Variants in CIT observed in about 807,000 individuals in gnomAD.
CIT encodes the protein citron rho-interacting serine/threonine kinase, also known as citron Rho-interacting kinase.
A neutral mutation model predicts 272.7 loss-of-function variants in CIT; 79 were observed. That is an observed-to-expected ratio of 0.29 (90% confidence interval 0.24 to 0.35). The LOEUF is 0.35. CIT is among the 10% of genes least tolerant of loss of function. CIT has a pLI of 1.00. For missense variants in CIT, 1,909 were observed against 2,618.3 expected (o/e 0.73, Z 5.91); for synonymous variants, 948 against 995.6 (o/e 0.95, Z 0.90).
intron 8 of CIT, among the ~76,000 whole-genome samples, chr12:119,824,628 G>A (rs929794968): frequency 4.6e-5 from 7 of 152,124 alleles, no homozygotes; most frequent in Non-Finnish European, 8.8e-5. Flanking sequence ...ATAAGTATTT[G>A]CTATTATTAT....
Position 119,690,211 on chromosome 12 carries a change from G to A in CIT, c.6126C>T (p.Asp2042=), listed in dbSNP as rs1955859001. ...CCGCAGGCAGCCGGCCCCTGCTGCT[G>A]TCTTCAAACAGCCTCCCGGGGGACC... is the stretch of plus-strand genomic sequence containing the variant. The part of the protein sequence containing the change: ...RERSPGRLFE[D]SSRGRLPAGA... Residue 2042 remains aspartate, a synonymous_variant, in exon 47 of 48, where the codon GAC becomes GAT. Transcript: ENST00000392521. This position sits in a 1 kb window ranked among gnomAD's most constrained non-coding sequence, Gnocchi z 6.0. 4.0e-6 allele frequency: 6 copies of A among 1,515,978 alleles called. No individual in the cohort carries two copies. Among genetic ancestry groups the A allele is most frequent in the Non-Finnish European group, 5.3e-6 (6 of 1,142,210 alleles). The allele number at this position is 1,515,978 out of a possible 1,614,324, so 93.9% of individuals were successfully genotyped here.
chr12:119,823,053 C>A, intron 8 of CIT, 80 bp from the exon 9 acceptor site: 1 of 1,401,804 alleles, frequency 7.1e-7, no homozygotes, highest in South Asian at 1.4e-5. Flanking sequence ...AAGTATTTCT[C>A]ATATATGCAA....
At position 119,845,498 on chromosome 12, in the gene CIT, C is replaced by T. The variant is rs150226919; in HGVS notation, c.516+4676G>A. On this transcript the variant is annotated intron_variant, in intron 5 of 47. Transcript: ENST00000392521. ...TGAAACCCTGTCTCTACTAAAAATACAAAAATTTGCCGGACATGGTGGTGG... is the reference window on the plus strand; with the variant it reads ...TGAAACCCTGTCTCTACTAAAAATATAAAAATTTGCCGGACATGGTGGTGG... Among the ~76,000 whole-genome samples the T allele has an allele frequency of 8.8e-3, 1,330 of 151,306 alleles. 14 individuals are homozygous for T. Among genetic ancestry groups the T allele is most frequent in the Middle Eastern group, 0.031 (9 of 294 alleles).
chr12:119,824,819 G>A (rs560540524), intron 8 of CIT, among the ~76,000 whole-genome samples: 25 of 151,900 alleles, frequency 1.6e-4, no homozygotes, highest in Non-Finnish European at 3.5e-4. Flanking sequence ...TTTTTTAGAC[G>A]GAGTCTCACT....
intron 32 of CIT, among the ~76,000 whole-genome samples, chr12:119,716,416 T>TAAAAAAAAAAAAAAA (rs1481968570): frequency 2.8e-5 from 2 of 70,556 alleles, no homozygotes; most frequent in African/African-American, 5.3e-5. Flanking sequence ...AAAAAAAAAG[T>TAAAAAAAAAAAAAAA]AAAGCTCTTT....
intron 2 of CIT, among the ~76,000 whole-genome samples, chr12:119,874,221 C>A (rs1452227169): frequency 6.6e-6 from 1 of 152,116 alleles, no homozygotes; most frequent in Non-Finnish European, 1.5e-5. Flanking sequence ...GTACATGCGA[C>A]CACCATGCCC....
chr12:119,726,777 G>A (rs11064889), intron 28 of CIT, among the ~76,000 whole-genome samples: 4 of 152,114 alleles, frequency 2.6e-5, no homozygotes, highest in Non-Finnish European at 5.9e-5. Flanking sequence ...GGAATCATCA[G>A]TGATTCAACA....
chr12:119,766,565 G>C (rs2137546566), intron 19 of CIT, among the ~76,000 whole-genome samples: 1 of 152,226 alleles, frequency 6.6e-6, no homozygotes, highest in Middle Eastern at 3.4e-3. Flanking sequence ...GTATTTGAGA[G>C]TACAGTAGGA....
At chr12:119,780,203 T>C (rs1297214091) in intron 13 of CIT, among the ~76,000 whole-genome samples, 3 of 152,240 alleles carry the variant, frequency 2.0e-5, no homozygotes, top group African/African-American at 7.2e-5. Context: ...AGGAAGAAGC[T>C]GAAATTGCTA....
chr12:119,714,410 G>A, intron 32 of CIT, 76 bp from the exon 33 acceptor site: 6 of 1,501,742 alleles, frequency 4.0e-6, no homozygotes, highest in Middle Eastern at 1.8e-4. Context: ...ACAACCCACA[G>A]AAAGGGAAAA....
rs1301273172 is a variant in CIT at position 119,717,831 on chromosome 12, CTTCT to C, written c.4168+410_4168+413del. ...TGAGGATGGGGAGCCAGGAGACTGACTTCTTTCTTTTTTTTTTTTTTTTTTTTGA... is the reference window on the plus strand; with the variant it reads ...TGAGGATGGGGAGCCAGGAGACTGACTTCTTTTTTTTTTTTTTTTTTTTGA... On this transcript the variant is annotated intron_variant, in intron 32 of 47. Coordinates refer to ENST00000392521, the MANE Select transcript of CIT (RefSeq NM_001206999.2). Among the ~76,000 whole-genome samples the C allele has an allele frequency of 6.6e-5, 5 of 75,260 alleles. 1 individual carries two copies. Among genetic ancestry groups the C allele is most frequent in the East Asian group, 3.7e-4 (1 of 2,696 alleles). The allele number at this position is 75,260 out of a possible 152,430, so 49.4% of individuals were successfully genotyped here. A position where few individuals can be genotyped will look rare whatever the true frequency, so the allele number is the denominator to read the frequency against.
intron 40 of CIT, among the ~76,000 whole-genome samples, chr12:119,705,961 G>A (rs564822853): frequency 7.3e-5 from 11 of 150,106 alleles, no homozygotes; most frequent in South Asian, 6.4e-4. Context: ...GTGATGGTGC[G>A]TGCCTGTAGT....
chr12:119,829,054 G>A (rs888956795), intron 7 of CIT, among the ~76,000 whole-genome samples: 15 of 152,250 alleles, frequency 9.9e-5, no homozygotes, highest in South Asian at 6.2e-4. Flanking sequence ...AGAAAGAAAA[G>A]AGTTAGCTTA....
intron 9 of CIT, among the ~76,000 whole-genome samples, chr12:119,811,303 C>CA (rs1223624547): frequency 1.3e-5 from 2 of 151,448 alleles, no homozygotes; most frequent in African/African-American, 2.4e-5. Flanking sequence ...GACTCTCTCT[C>CA]AAAAAAACAA....
intron 7 of CIT, among the ~76,000 whole-genome samples, chr12:119,831,691 A>C (rs1210674621): frequency 2.0e-5 from 3 of 152,098 alleles, no homozygotes; most frequent in Admixed American, 6.5e-5. Context: ...AACACGGTGA[A>C]ACCCCGTCTC....
intron 5 of CIT, among the ~76,000 whole-genome samples, chr12:119,835,200 T>C (rs1968911574): frequency 6.6e-6 from 1 of 152,268 alleles, no homozygotes; most frequent in Non-Finnish European, 1.5e-5. Flanking sequence ...CCTAGGTAGC[T>C]ATAAGGCCAG....
In CIT at chr12:119,712,961, C is replaced by T. The variant is rs529781927; in HGVS notation, c.4579+242G>A. 398 of 580,772 alleles carry T rather than the reference C, an allele frequency of 6.9e-4. 1 individual carries two copies. Among genetic ancestry groups the T allele is most frequent in the African/African-American group, 5.5e-3 (294 of 53,602 alleles). 36.0% of individuals were successfully genotyped at this position (580,772 alleles called of 1,614,324 possible). A position where few individuals can be genotyped will look rare whatever the true frequency, so the allele number is the denominator to read the frequency against. On this transcript the variant is annotated intron_variant, in intron 35 of 47. Coordinates refer to ENST00000392521, the MANE Select transcript of CIT (RefSeq NM_001206999.2). The surrounding 1 kb of genome is among the most constrained non-coding windows in gnomAD (Gnocchi z 5.2). The stretch of plus-strand genomic sequence containing the variant: ...GTTAGTTGACTGAGGCAGAAGTTCT[C>T]GGAAGGTGTATTAGCAGGTGGAATC...
chr12:119,749,169 G>T (rs1300817777), intron 23 of CIT, among the ~76,000 whole-genome samples: 1 of 152,210 alleles, frequency 6.6e-6, no homozygotes, highest in Non-Finnish European at 1.5e-5. Context: ...TTGGCCCAGG[G>T]ATGGAGGCCA....
chr12:119,767,237 C>A, intron 18 of CIT, 55 bp from the exon 19 acceptor site: 2 of 1,288,522 alleles, frequency 1.6e-6, no homozygotes, highest in East Asian at 2.4e-5. Context: ...ACCGCCAATG[C>A]ACGTTAGACA....
Sources: gnomAD v4.1 joint callset for allele counts (sites outside exome capture counted in the v4.1 genomes callset) on GRCh38, gnomAD v4.1.1 for gene constraint, Gnocchi (gnomAD v3.1) non-coding constraint, MANE v1.5 for transcripts, NCBI Gene and HGNC (gene_info 2026-07-23, HGNC 2026-07-21) for gene names.